Variants in OPCML observed in about 807,000 individuals in gnomAD.
OPCML encodes opioid binding protein/cell adhesion molecule like.
In OPCML, 13 loss-of-function variants were observed where a neutral mutation model predicts 37.8. The ratio of observed to expected loss-of-function variants is 0.34; its 90% CI spans 0.22 to 0.55. The LOEUF is 0.55. OPCML is among the 20% of genes least tolerant of loss of function. The pLI is 0.91. For synonymous variants in OPCML, 176 were observed against 168.8 expected (o/e 1.04, Z -0.33); for missense variants, 341 against 435.6 (o/e 0.78, Z 1.93).
In OPCML at chr11:132,858,320, G is replaced by C. The variant is rs11223250; in HGVS notation, c.146+84606C>G. Reference sequence around the variant, plus strand: ...CTCCCAGGTTCCCTCCTCTTTGACCGGGCCTGCCAGGGTGCCTCCTTCCTC... The same window carrying C: ...CTCCCAGGTTCCCTCCTCTTTGACCCGGCCTGCCAGGGTGCCTCCTTCCTC... On this transcript the variant is annotated intron_variant, in intron 2 of 7. Coordinates refer to ENST00000524381, the MANE Select transcript of OPCML (RefSeq NM_001012393.5). Among the ~76,000 whole-genome samples, 14 of 152,184 alleles carry C rather than the reference G, an allele frequency of 9.2e-5. No homozygotes were observed. In the East Asian group the frequency reaches 1.9e-3, roughly 21 times the overall value.
At chr11:133,077,275 G>A (rs1032681319) in intron 1 of OPCML, among the ~76,000 whole-genome samples, 7 of 151,846 alleles carry the variant, frequency 4.6e-5, no homozygotes, top group Non-Finnish European at 8.8e-5. Flanking sequence ...AGATTGCCCC[G>A]TGACTTGGAG....
chr11:132,618,373 T>C (rs1939167208), intron 3 of OPCML, among the ~76,000 whole-genome samples: 1 of 152,110 alleles, frequency 6.6e-6, no homozygotes, highest in Non-Finnish European at 1.5e-5. Context: ...GATGTGGTGG[T>C]GCACCTCTAA....
intron 2 of OPCML, among the ~76,000 whole-genome samples, chr11:132,935,028 A>C (rs1017113245): frequency 2.6e-5 from 4 of 151,884 alleles, no homozygotes; most frequent in African/African-American, 9.7e-5. Flanking sequence ...AATCCCAGCT[A>C]CTCAGGAGGC....
chr11:133,368,361 G>A (rs1229266751), intron 1 of OPCML, among the ~76,000 whole-genome samples: 22 of 152,052 alleles, frequency 1.4e-4, no homozygotes, highest in Non-Finnish European at 1.5e-5. Flanking sequence ...AGATAAGGGT[G>A]TTGGGGGACC....
intron 2 of OPCML, among the ~76,000 whole-genome samples, chr11:132,829,632 A>G (rs531802279): frequency 4.1e-4 from 62 of 152,310 alleles, no homozygotes; most frequent in Non-Finnish European, 8.4e-4. Context: ...GTGTTGGCCT[A>G]CATTAGCAGC....
In OPCML at chr11:133,098,933, A is replaced by G. The variant is rs185775584; in HGVS notation, c.62-155923T>C. 4.7e-3 allele frequency among the ~76,000 whole-genome samples: 711 copies of G among 152,302 alleles called. 10 individuals are homozygous for G. Among genetic ancestry groups the G allele is most frequent in the African/African-American group, 0.01 (426 of 41,576 alleles). On this transcript the variant is annotated intron_variant, in intron 1 of 7. Transcript: ENST00000524381. ...CTATGTAGCAAATACAGAAGAATCAACAACAACAAAAAAGAGAAACCAACT... is the reference window on the plus strand; with the variant it reads ...CTATGTAGCAAATACAGAAGAATCAGCAACAACAAAAAAGAGAAACCAACT...
chr11:132,580,790 G>T (rs999552308), intron 3 of OPCML, among the ~76,000 whole-genome samples: 2 of 152,072 alleles, frequency 1.3e-5, no homozygotes, highest in African/African-American at 2.4e-5. Flanking sequence ...GTTAAACATG[G>T]TCCTTGTATA....
chr11:132,943,386 G>A lies in OPCML; in HGVS notation c.62-376C>T. On this transcript the variant is annotated intron_variant, in intron 1 of 7. Transcript: ENST00000524381. This position sits in a 1 kb window ranked among gnomAD's most constrained non-coding sequence, Gnocchi z 4.3. ...GGCGGCCAGGAGGGGAGAGGAAGAA[G>A]CAAGGTGCGGGGATGAAGGTCACAG... The A allele has an allele frequency of 2.1e-6, 1 of 478,078 alleles. No individual in the cohort carries two copies. The highest frequency in any genetic ancestry group is 3.8e-6 in the Non-Finnish European group (1 of 263,256). The allele number at this position is 478,078 out of a possible 1,614,324, so 29.6% of individuals were successfully genotyped here. A position where few individuals can be genotyped will look rare whatever the true frequency, so the allele number is the denominator to read the frequency against.
chr11:132,959,142 A>G (rs1406416311), intron 1 of OPCML, among the ~76,000 whole-genome samples: 1 of 152,232 alleles, frequency 6.6e-6, no homozygotes, highest in Non-Finnish European at 1.5e-5. Flanking sequence ...TATCCACATT[A>G]ACAGGAGCTT....
At chr11:133,519,793 C>T (rs1948362003) in intron 1 of OPCML, among the ~76,000 whole-genome samples, 1 of 152,160 alleles carries the variant, frequency 6.6e-6, no homozygotes, top group African/African-American at 2.4e-5. Context: ...GGCACGTGTG[C>T]CTGCCAGACA....
intron 1 of OPCML, among the ~76,000 whole-genome samples, chr11:133,023,042 T>C (rs147602274): frequency 6.6e-6 from 1 of 152,332 alleles, no homozygotes; most frequent in East Asian, 1.9e-4. Flanking sequence ...CTTCATTGTT[T>C]GGAAGGGGAG....
intron 2 of OPCML, among the ~76,000 whole-genome samples, chr11:132,688,590 A>G (rs967593033): frequency 1.3e-5 from 2 of 152,204 alleles, no homozygotes; most frequent in African/African-American, 4.8e-5. Flanking sequence ...TAATGATGGT[A>G]TCACTGTTTT....
chr11:132,908,671 T>C (rs1378929246), intron 2 of OPCML, among the ~76,000 whole-genome samples: 1 of 152,184 alleles, frequency 6.6e-6, no homozygotes, highest in Admixed American at 6.5e-5. Context: ...ACCAGACAGT[T>C]TCATCTTATT....
At chr11:132,520,220 T>C (rs915043633) in intron 4 of OPCML, among the ~76,000 whole-genome samples, 24 of 152,246 alleles carry the variant, frequency 1.6e-4, no homozygotes, top group Non-Finnish European at 1.9e-4. Flanking sequence ...TATATCATTT[T>C]ACATTATACC....
At chr11:133,430,543 G>GA (rs1373390482) in intron 1 of OPCML, among the ~76,000 whole-genome samples, 1 of 151,702 alleles carries the variant, frequency 6.6e-6, no homozygotes, top group Non-Finnish European at 1.5e-5. Context: ...CAACAGAAAA[G>GA]AAAAAAATGT....
At chr11:133,388,926 C>A (rs762243845) in intron 1 of OPCML, among the ~76,000 whole-genome samples, 20 of 152,212 alleles carry the variant, frequency 1.3e-4, no homozygotes, top group Admixed American at 6.5e-4. Context: ...ATTTGGCCCT[C>A]ATATTAAGCA....
chr11:132,865,226 GAATTT>G (rs1162199507), intron 2 of OPCML, among the ~76,000 whole-genome samples: 2 of 152,134 alleles, frequency 1.3e-5, no homozygotes, highest in East Asian at 1.9e-4. Flanking sequence ...CTTACAAACT[GAATTT>G]AATAACAAGA....
chr11:133,006,788 G>T (rs1343951183), intron 1 of OPCML: 1 of 985,298 alleles, frequency 1.0e-6, no homozygotes, highest in African/African-American at 1.7e-5. Flanking sequence ...CACACAGCAG[G>T]TCCTGCCTTC....
intron 1 of OPCML, among the ~76,000 whole-genome samples, chr11:133,148,854 A>G (rs975113441): frequency 6.6e-6 from 1 of 152,142 alleles, no homozygotes; most frequent in Non-Finnish European, 1.5e-5. Context: ...ATGACAGCTG[A>G]AAAAGGGAAG....
Sources: allele counts gnomAD v4.1 joint callset (sites outside exome capture counted in the v4.1 genomes callset), GRCh38; gene constraint gnomAD v4.1.1; non-coding constraint Gnocchi (gnomAD v3.1); transcripts MANE v1.5; gene names NCBI Gene and HGNC (gene_info 2026-07-23, HGNC 2026-07-21).